The following MGAT4C variants were observed in gnomAD, a reference collection of about 807,000 sequenced individuals.
MGAT4C encodes the protein MGAT4 family member C, also known as alpha-1,3-mannosyl-glycoprotein 4-beta-N-acetylglucosaminyltransferase C.
MGAT4C carries 19 observed loss-of-function variants against 40.1 expected under a neutral mutation model. The ratio of observed to expected loss-of-function variants is 0.47; its 90% CI spans 0.33 to 0.70. The LOEUF is 0.70. Among genes scored for constraint, MGAT4C ranks in the 30% least tolerant of loss-of-function variants. The probability of loss-of-function intolerance (pLI) is 0.02; values close to 1 mark genes in which losing one functional copy is unlikely to be tolerated. For missense variants in MGAT4C, 491 were observed against 563.2 expected (o/e 0.87, Z 1.30); for synonymous variants, 181 against 187.1 (o/e 0.97, Z 0.27).
At chr12:86,550,223 G>A (rs1345242389) in intron 2 of MGAT4C, among the ~76,000 whole-genome samples, 1 of 152,158 alleles carries the variant, frequency 6.6e-6, no homozygotes, top group Non-Finnish European at 1.5e-5. Context: ...GGAACTGTGA[G>A]TCAATTAAAC....
At chr12:86,761,529 A>G (rs1951406084) in intron 1 of MGAT4C, among the ~76,000 whole-genome samples, 1 of 152,352 alleles carries the variant, frequency 6.6e-6, no homozygotes, top group East Asian at 1.9e-4. Flanking sequence ...TGCTTAAAAC[A>G]ACACAAATCT....
chr12:86,425,607 T>A (rs1163345874), intron 3 of MGAT4C, among the ~76,000 whole-genome samples: 1 of 152,212 alleles, frequency 6.6e-6, no homozygotes, highest in Non-Finnish European at 1.5e-5. Flanking sequence ...ATACATATTA[T>A]ACCTGTATTT....
intron 2 of MGAT4C, among the ~76,000 whole-genome samples, chr12:86,487,633 T>G (rs900680069): frequency 6.6e-6 from 1 of 152,340 alleles, no homozygotes; most frequent in African/African-American, 2.4e-5. Context: ...TGGTTAAGTT[T>G]AAATATATTT....
intron 3 of MGAT4C, among the ~76,000 whole-genome samples, chr12:86,351,546 A>G (rs887308287): frequency 4.6e-5 from 7 of 152,050 alleles, no homozygotes; most frequent in African/African-American, 1.7e-4. Context: ...CAGTAAGATA[A>G]TTTTGAAAAG....
chr12:86,760,551 C>CA (rs1335762123), intron 1 of MGAT4C, among the ~76,000 whole-genome samples: 1 of 151,504 alleles, frequency 6.6e-6, no homozygotes, highest in Non-Finnish European at 1.5e-5. Context: ...AACAAACAAA[C>CA]AAAAAATGTA....
intron 2 of MGAT4C, among the ~76,000 whole-genome samples, chr12:86,453,526 C>T (rs1490055273): frequency 6.6e-6 from 1 of 152,078 alleles, no homozygotes; most frequent in Non-Finnish European, 1.5e-5. Flanking sequence ...TAATTTTTTT[C>T]ATGCTTCAAT....
intron 2 of MGAT4C, among the ~76,000 whole-genome samples, chr12:86,000,964 GT>G (rs2136773208): frequency 6.6e-6 from 1 of 152,236 alleles, no homozygotes; most frequent in South Asian, 2.1e-4. Context: ...CTTATCACTA[GT>G]TTGGATTATT....
intron 1 of MGAT4C, among the ~76,000 whole-genome samples, chr12:86,059,285 G>A (rs1433764971): frequency 1.3e-5 from 2 of 152,198 alleles, no homozygotes; most frequent in African/African-American, 2.4e-5. Context: ...CAAGTGATCC[G>A]CCTGCCTCTG....
chr12:86,173,271 A>G (rs1037428084), intron 1 of MGAT4C, among the ~76,000 whole-genome samples: 1 of 152,114 alleles, frequency 6.6e-6, no homozygotes, highest in East Asian at 1.9e-4. Context: ...TTGGGCAACT[A>G]TATTTATTAT....
chr12:86,651,216 A>G (rs1963686989), intron 2 of MGAT4C, among the ~76,000 whole-genome samples: 1 of 151,930 alleles, frequency 6.6e-6, no homozygotes, highest in South Asian at 2.1e-4. Context: ...CTATTAGAGA[A>G]GCACAGATTC....
rs1367187453 is a variant in MGAT4C at position 85,960,071 on chromosome 12, A to T, written c.*19218T>A. On this transcript the variant is annotated 3_prime_UTR_variant, in exon 5 of 5. Transcript: ENST00000611864. ...TTGTTGCACGGACTACATTGATTAG[A>T]GTCTAATTTTTGGAAAGTATACTTC... The T allele has an allele frequency of 1.3e-5, 2 of 151,986 alleles. No individual in the cohort carries two copies. Among genetic ancestry groups the T allele is most frequent in the Non-Finnish European group, 2.9e-5 (2 of 67,910 alleles). The allele number at this position is 151,986 out of a possible 1,614,324, so 9.4% of individuals were successfully genotyped here.
At chr12:86,386,494 A>G (rs1294263272) in intron 3 of MGAT4C, among the ~76,000 whole-genome samples, 1 of 152,226 alleles carries the variant, frequency 6.6e-6, no homozygotes, top group African/African-American at 2.4e-5. Context: ...TGGACCGTTA[A>G]TATTCAGGAC....
chr12:86,527,575 G>C (rs1441782164), intron 2 of MGAT4C, among the ~76,000 whole-genome samples: 1 of 152,038 alleles, frequency 6.6e-6, no homozygotes, highest in East Asian at 1.9e-4. Context: ...TCTGTGAATT[G>C]CTTTGGGTTA....
chr12:86,066,847 C>G (rs796741626), intron 1 of MGAT4C, among the ~76,000 whole-genome samples: 4 of 151,962 alleles, frequency 2.6e-5, no homozygotes, highest in African/African-American at 9.7e-5. Flanking sequence ...CAACAAAGAA[C>G]TTCAACAAAT....
chr12:86,552,238 C>T (rs1180844361), intron 2 of MGAT4C, among the ~76,000 whole-genome samples: 2 of 151,632 alleles, frequency 1.3e-5, no homozygotes, highest in African/African-American at 2.4e-5. Flanking sequence ...ACTCACTTAA[C>T]GTAGGATATT....
intron 2 of MGAT4C, among the ~76,000 whole-genome samples, chr12:86,039,169 A>T (rs1378870921): frequency 6.6e-6 from 1 of 151,516 alleles, no homozygotes; most frequent in East Asian, 1.9e-4. Flanking sequence ...CTTCATTTCA[A>T]CCTTGGTGAA....
chr12:86,804,457 G>A (rs1239564991), intron 1 of MGAT4C, among the ~76,000 whole-genome samples: 15 of 145,182 alleles, frequency 1.0e-4, no homozygotes, highest in Non-Finnish European at 2.2e-4. Context: ...AAGAAAGAAA[G>A]AAGAAAAAAA....
chr12:86,154,687 A>C (rs985699867), intron 1 of MGAT4C, among the ~76,000 whole-genome samples: 1 of 152,358 alleles, frequency 6.6e-6, no homozygotes, highest in African/African-American at 2.4e-5. Flanking sequence ...TAGATCAAAA[A>C]AAAGATAAAT....
At chr12:86,356,270 C>G (rs1592734435) in intron 3 of MGAT4C, among the ~76,000 whole-genome samples, 1 of 152,196 alleles carries the variant, frequency 6.6e-6, no homozygotes, top group East Asian at 1.9e-4. Context: ...AGGGAACAAA[C>G]AAAAATCCAA....
Sources: allele counts gnomAD v4.1 joint callset (sites outside exome capture counted in the v4.1 genomes callset), GRCh38; gene constraint gnomAD v4.1.1; transcripts MANE v1.5; gene names NCBI Gene and HGNC (gene_info 2026-07-23, HGNC 2026-07-21).